ANKRD55: variants seen among roughly 807,000 people sequenced by gnomAD.
The protein encoded by ANKRD55 is ankyrin repeat domain-containing protein 55.
Under a neutral mutation model 60.6 loss-of-function variants are expected in ANKRD55, and 41 were observed. The ratio of observed to expected loss-of-function variants is 0.68; its 90% CI spans 0.53 to 0.88. The LOEUF is 0.88. Among genes scored for constraint, ANKRD55 ranks in the 40% least tolerant of loss-of-function variants. The pLI, the probability that ANKRD55 is intolerant of heterozygous loss-of-function variation, is 0.00. For synonymous variants in ANKRD55, 264 were observed against 290.3 expected (o/e 0.91, Z 0.92); for missense variants, 732 against 767.6 (o/e 0.95, Z 0.55).
chr5:56,100,676 G>A (rs1756244887), intron 11 of ANKRD55, among the ~76,000 whole-genome samples: 1 of 152,162 alleles, frequency 6.6e-6, no homozygotes, highest in African/African-American at 2.4e-5. Flanking sequence ...AACCTCAAAA[G>A]GCTCTCAGGC....
At chr5:56,176,462 T>C (rs160936) in intron 3 of ANKRD55, among the ~76,000 whole-genome samples, 180 bp from the exon 4 acceptor site, 67,759 of 152,132 alleles carry the variant, frequency 0.45, 18,761 homozygotes, top group Middle Eastern at 0.62. Flanking sequence ...TTTTTTTTAC[T>C]GGCTCTTTTC....
At chr5:56,161,440 C>T (rs1301739352) in intron 5 of ANKRD55, among the ~76,000 whole-genome samples, 1 of 152,220 alleles carries the variant, frequency 6.6e-6, no homozygotes, top group Non-Finnish European at 1.5e-5. Context: ...TCTTTATCGT[C>T]TCTCAGATTG....
At chr5:56,203,730 T>G (rs150344234) in intron 2 of ANKRD55, among the ~76,000 whole-genome samples, 19,102 of 152,162 alleles carry the variant, frequency 0.13, 2,594 homozygotes, top group African/African-American at 0.33. Flanking sequence ...TAATCCAGTC[T>G]ATTATTGTTG....
intron 8 of ANKRD55, among the ~76,000 whole-genome samples, chr5:56,123,777 G>C (rs1757150180): frequency 6.6e-6 from 1 of 152,100 alleles, no homozygotes. Context: ...GAGTAACGAG[G>C]GGAGCATATA....
At chr5:56,210,056 G>A (rs1342041809) in intron 2 of ANKRD55, among the ~76,000 whole-genome samples, 1 of 151,608 alleles carries the variant, frequency 6.6e-6, no homozygotes, top group Non-Finnish European at 1.5e-5. Flanking sequence ...CGCCCAGGCT[G>A]GAGTGCCGTG....
intron 6 of ANKRD55, 139 bp from the exon 7 acceptor site, chr5:56,144,068 T>G: frequency 9.0e-7 from 1 of 1,115,398 alleles, no homozygotes; most frequent in Non-Finnish European, 1.3e-6. Flanking sequence ...ATTCATTCAT[T>G]AATCCATTCA....
At chr5:56,135,335 CT>C (rs1220413218) in intron 7 of ANKRD55, among the ~76,000 whole-genome samples, 1 of 18,100 alleles carries the variant, frequency 5.5e-5, no homozygotes, top group Non-Finnish European at 1.1e-4. Context: ...TTCTTTCTTT[CT>C]TTCTTTCTTT....
chr5:56,219,866 T>TA (rs1331889430), intron 2 of ANKRD55, among the ~76,000 whole-genome samples: 1 of 152,254 alleles, frequency 6.6e-6, no homozygotes, highest in Non-Finnish European at 1.5e-5. Flanking sequence ...TTCTTTTAGA[T>TA]TCCATATCCA....
chr5:56,139,812 C>A (rs1004731991), intron 7 of ANKRD55, among the ~76,000 whole-genome samples: 5 of 152,136 alleles, frequency 3.3e-5, no homozygotes, highest in African/African-American at 1.2e-4. Flanking sequence ...GTGGCTCATG[C>A]CTGTAATCCC....
At position 56,173,489 on chromosome 5, in the gene ANKRD55, T is replaced by A. The variant is rs1758654413; in HGVS notation, c.312+2663A>T. 2.7e-5 allele frequency among the ~76,000 whole-genome samples: 4 copies of A among 148,772 alleles called. No individual in the cohort carries two copies. In the South Asian group the frequency reaches 8.7e-4, roughly 32 times the overall value. ...CTGGGATTACAGGCGTGAGCCACCATGCCCGGCTCCAATTCTTATATATCA... is the reference window on the plus strand; with the variant it reads ...CTGGGATTACAGGCGTGAGCCACCAAGCCCGGCTCCAATTCTTATATATCA... On this transcript the variant is annotated intron_variant, in intron 4 of 11. Transcript: ENST00000341048.
At chr5:56,151,882 C>T (rs548886040) in intron 6 of ANKRD55, among the ~76,000 whole-genome samples, 2 of 146,558 alleles carry the variant, frequency 1.4e-5, no homozygotes, top group African/African-American at 2.5e-5. Flanking sequence ...TGTATATATA[C>T]ATATACATAC....
chr5:56,170,120 G>T (rs575877368), intron 5 of ANKRD55, among the ~76,000 whole-genome samples: 1 of 152,290 alleles, frequency 6.6e-6, no homozygotes, highest in African/African-American at 2.4e-5. Flanking sequence ...TGATCTCCCT[G>T]CTGCTGACTC....
intron 2 of ANKRD55, among the ~76,000 whole-genome samples, chr5:56,230,845 A>T (rs2111903797): frequency 6.6e-6 from 1 of 152,334 alleles, no homozygotes; most frequent in South Asian, 2.1e-4. Flanking sequence ...AGGTAGAGAG[A>T]TGAGTAGTCT....
chr5:56,162,367 G>A (rs1403197009), intron 5 of ANKRD55, among the ~76,000 whole-genome samples: 1 of 152,200 alleles, frequency 6.6e-6, no homozygotes, highest in Non-Finnish European at 1.5e-5. Flanking sequence ...GCATCAACCA[G>A]GCTCCCTTGC....
At chr5:56,232,175 A>G (rs113861564) in intron 2 of ANKRD55, among the ~76,000 whole-genome samples, 5,015 of 152,278 alleles carry the variant, frequency 0.033, 97 homozygotes, top group Middle Eastern at 0.068. Flanking sequence ...CAAAATGTAT[A>G]CACATAGACC....
In ANKRD55 at chr5:56,194,402, A is replaced by T. The variant is rs1362116962; in HGVS notation, c.59-10768T>A. 2.0e-5 allele frequency among the ~76,000 whole-genome samples: 3 copies of T among 151,978 alleles called. No individual in the cohort carries two copies. In the East Asian group the frequency reaches 5.8e-4, roughly 29 times the overall value. On this transcript the variant is annotated intron_variant, in intron 2 of 11. Coordinates refer to ENST00000341048, the MANE Select transcript of ANKRD55 (RefSeq NM_024669.3). ...GCTCAAGAGTTGAGTTTATATTTGCAGGATGATATAAATGATCCAACCCCC... is the reference window on the plus strand; with the variant it reads ...GCTCAAGAGTTGAGTTTATATTTGCTGGATGATATAAATGATCCAACCCCC...
intron 7 of ANKRD55, among the ~76,000 whole-genome samples, chr5:56,130,793 G>C (rs986042803): frequency 6.6e-6 from 1 of 152,190 alleles, no homozygotes. Context: ...GATCCTAAGA[G>C]AGAACAAATA....
rs1757830014 is a variant in ANKRD55, at chr5:56,143,832, TC to T, written c.580del (p.Asp194ThrfsTer22). On this transcript the variant is annotated frameshift_variant, in exon 7 of 12. Coordinates refer to ENST00000341048, the MANE Select transcript of ANKRD55 (RefSeq NM_024669.3). LOFTEE classifies it high-confidence loss of function. ...TGCCCAGTGGAGAGCGGTTTTAAAGTCTTTATCCACAAGGGTGGGGTCTGCC... is the reference window on the plus strand; with the variant it reads ...TGCCCAGTGGAGAGCGGTTTTAAAGTTTTATCCACAAGGGTGGGGTCTGCC... ...KGADPTLVDK[D>X]FKTALHWAVQ... 6.2e-7 allele frequency: 1 copy of T among 1,614,056 alleles called. No homozygotes were observed. Among genetic ancestry groups the T allele is most frequent in the African/African-American group, 1.3e-5 (1 of 74,918 alleles).
At chr5:56,215,270 C>T (rs755876485) in intron 2 of ANKRD55, among the ~76,000 whole-genome samples, 4 of 152,144 alleles carry the variant, frequency 2.6e-5, no homozygotes, top group Admixed American at 6.5e-5. Context: ...ATATCTAGTT[C>T]GCATCACATC....
Sources: gnomAD v4.1 joint callset for allele counts (sites outside exome capture counted in the v4.1 genomes callset) on GRCh38, gnomAD v4.1.1 for gene constraint, MANE v1.5 for transcripts, NCBI Gene and HGNC (gene_info 2026-07-23, HGNC 2026-07-21) for gene names.